The following MRPL44 variants were observed in gnomAD, a reference collection of about 807,000 sequenced individuals.
The protein encoded by MRPL44 is large ribosomal subunit protein mL44.
Under a neutral mutation model 25.9 loss-of-function variants are expected in MRPL44, and 21 were observed. The ratio of observed to expected loss-of-function variants is 0.81; its 90% CI spans 0.58 to 1.17. The LOEUF (loss-of-function observed/expected upper bound fraction) is 1.17. Among genes scored for constraint, MRPL44 ranks in the 50% most tolerant of loss-of-function variants. The pLI is 0.00. For synonymous variants in MRPL44, 169 were observed against 151.0 expected, an observed-to-expected ratio of 1.12 and a Z score of -0.87; for missense variants, 410 against 398.9, an observed-to-expected ratio of 1.03 and a Z score of -0.24.
At chr2:223,957,329 C>T, upstream of MRPL44, 1 of 1,024,534 alleles carries the variant, frequency 9.8e-7, no homozygotes, top group Non-Finnish European at 1.5e-6. Context: ...TCCGCCCCTG[C>T]CCTCTCTCAG....
intron 2 of MRPL44, among the ~76,000 whole-genome samples, chr2:223,962,643 C>T (rs1323261638): frequency 6.6e-6 from 1 of 152,066 alleles, no homozygotes; most frequent in African/African-American, 2.4e-5. Flanking sequence ...TAAATAATTA[C>T]TAGTATGCTA....
At chr2:223,957,730 G>T in intron 1 of MRPL44, 79 bp downstream of exon 1, 3 of 1,454,814 alleles carry the variant, frequency 2.1e-6, no homozygotes, top group Non-Finnish European at 2.8e-6. Context: ...CGTGTCTGCG[G>T]CTGATGCGCC....
intron 3 of MRPL44, among the ~76,000 whole-genome samples, chr2:223,965,140 ACGT>A (rs2106119615): frequency 6.6e-6 from 1 of 152,324 alleles, no homozygotes; most frequent in South Asian, 2.1e-4. Flanking sequence ...ACTTTTTAAA[ACGT>A]GATCAGTGAT....
At chr2:223,951,478 G>GTTTT in the MRPL44 span, among the ~76,000 whole-genome samples, 22 of 112,544 alleles carry the variant, frequency 2.0e-4, 1 homozygote, top group African/African-American at 7.1e-4. Context: ...TTACCTTGGA[G>GTTTT]TTTTTTTTTT....
Position 223,966,970 on chromosome 2 carries a change from GGCCGTGGAACTATTCCAA to G in MRPL44, c.939_956del (p.Trp314_Pro319del), listed in dbSNP as rs1559186542. ...CTTTATGGATTCACAGAAAATAGACGGCCGTGGAACTATTCCAAGCCCAAAGAAACCTTGAGAGCAGAA... is the reference window on the plus strand; with the variant it reads ...CTTTATGGATTCACAGAAAATAGACGGCCCAAAGAAACCTTGAGAGCAGAA... On this transcript the variant is annotated inframe_deletion, in exon 4 of 4. Coordinates refer to ENST00000258383, the MANE Select transcript of MRPL44 (RefSeq NM_022915.5). 1 of 1,614,016 alleles carries G rather than the reference GGCCGTGGAACTATTCCAA, an allele frequency of 6.2e-7. No homozygotes were observed. The highest frequency in any genetic ancestry group is 1.1e-5 in the South Asian group (1 of 91,066).
chr2:223,952,825 T>C (rs964977208), upstream of MRPL44, among the ~76,000 whole-genome samples: 6 of 152,238 alleles, frequency 3.9e-5, no homozygotes, highest in African/African-American at 1.4e-4. Flanking sequence ...TTACTGTCCA[T>C]AAATGTTATC....
rs148281067 is a variant in MRPL44, at chr2:223,957,519, T to G, written c.47T>G (p.Leu16Arg). ...VRLLQQGHRC[L>R]LAPVAPKLVP... ...TTGCTGCAGCAGGGACATCGCTGCC[T>G]CCTGGCTCCAGTCGCCCCCAAGCTG... Residue 16 changes from leucine to arginine, a missense_variant, in exon 1 of 4, where the codon CTC becomes CGC. By Grantham distance (102) the Leu-to-Arg change is moderately radical. Coordinates refer to ENST00000258383, the MANE Select transcript of MRPL44 (RefSeq NM_022915.5). 28 of 1,614,136 alleles carry G rather than the reference T, an allele frequency of 1.7e-5. No homozygotes were observed. The African/African-American group carries it at 2.8e-4, about 16-fold the overall frequency.
chr2:223,959,475 T>C (rs1014315629), intron 1 of MRPL44, 59 bp from the exon 2 acceptor site: 1 of 1,319,352 alleles, frequency 7.6e-7, no homozygotes, highest in African/African-American at 1.5e-5. Flanking sequence ...GTGAACAATT[T>C]TTATATCACA....
At chr2:223,966,214 C>A (rs1456026522) in intron 3 of MRPL44, among the ~76,000 whole-genome samples, 1 of 142,360 alleles carries the variant, frequency 7.0e-6, no homozygotes, top group African/African-American at 2.6e-5. Context: ...ACAGCCTGGG[C>A]GACAGAGTGA....
chr2:223,967,078 A>G lies in MRPL44; in HGVS notation c.*44A>G. ...CCTGAAACTTGAGAGCGAAAGTGAG[A>G]TAAATGTCAAAGGTGTTTCAAGCCA... On this transcript the variant is annotated 3_prime_UTR_variant, in exon 4 of 4. Transcript: ENST00000258383. 3.3e-6 allele frequency: 5 copies of G among 1,533,850 alleles called. No individual in the cohort carries two copies. Among genetic ancestry groups the G allele is most frequent in the Non-Finnish European group, 4.4e-6 (5 of 1,134,152 alleles).
chr2:223,962,643 C>G (rs1323261638), intron 2 of MRPL44, among the ~76,000 whole-genome samples: 1 of 152,068 alleles, frequency 6.6e-6, no homozygotes, highest in Non-Finnish European at 1.5e-5. Flanking sequence ...TAAATAATTA[C>G]TAGTATGCTA....
At position 223,959,624 on chromosome 2, in the gene MRPL44, T is replaced by G. The variant is rs1235492100; in HGVS notation, c.270T>G (p.Thr90=). The change falls in exon 2 of 4, where the codon ACT becomes ACG. Residue 90 remains threonine (T), a synonymous_variant. Coordinates refer to ENST00000258383, the MANE Select transcript of MRPL44 (RefSeq NM_022915.5). The part of the protein sequence containing the change: ...QENFSLDLLK[T]AFVNSCYIKS... ...ACTTTTCCTTAGATCTTCTCAAAAC[T>G]GCATTTGTTAATAGCTGCTATATTA... The G allele has an allele frequency of 6.2e-7, 1 of 1,614,222 alleles. No homozygotes were observed. The highest frequency in any genetic ancestry group is 1.1e-5 in the South Asian group (1 of 91,084).
At position 223,967,245 on chromosome 2, in the gene MRPL44, TCTC is replaced by T; in HGVS notation, c.*212_*214del. 3 of 525,784 alleles carry T rather than the reference TCTC, an allele frequency of 5.7e-6. No homozygotes were observed. The African/African-American group carries it at 5.8e-5, about 10-fold the overall frequency. 32.6% of individuals were successfully genotyped at this position (525,784 alleles called of 1,614,324 possible). ...TGGTTTGATCAAATCTTTTTTTTTT[TCTC>T]TTGAGATGGAGTCTTACTCTGTCGC... On this transcript the variant is annotated 3_prime_UTR_variant, in exon 4 of 4. Transcript: ENST00000258383.
chr2:223,951,572 T>C, the MRPL44 span, among the ~76,000 whole-genome samples: 1 of 148,354 alleles, frequency 6.7e-6, no homozygotes, highest in Non-Finnish European at 1.5e-5. Context: ...TCTGCCTCCC[T>C]GGTTCAAATG....
At position 223,967,538 on chromosome 2, in the gene MRPL44, A is replaced by G. The variant is rs1398264730; in HGVS notation, c.*504A>G. The stretch of plus-strand genomic sequence containing the variant: ...GTGAGCCACTATACCCGACCAGATC[A>G]AATCTTTTTTTGACATTTTTGCAAA... On this transcript the variant is annotated 3_prime_UTR_variant, in exon 4 of 4. Transcript: ENST00000258383. 6.6e-6 allele frequency: 1 copy of G among 152,216 alleles called. No homozygotes were observed. Among genetic ancestry groups the G allele is most frequent in the Non-Finnish European group, 1.5e-5 (1 of 68,062 alleles). The allele number at this position is 152,216 out of a possible 1,614,324, so 9.4% of individuals were successfully genotyped here.
chr2:223,952,443 CT>C, the MRPL44 span, among the ~76,000 whole-genome samples: 3 of 152,098 alleles, frequency 2.0e-5, no homozygotes, highest in Non-Finnish European at 2.9e-5. Flanking sequence ...TCTCTTAGGC[CT>C]TTCAGTTCTA....
chr2:223,954,872 A>G (rs1689542736), upstream of MRPL44, among the ~76,000 whole-genome samples: 1 of 152,226 alleles, frequency 6.6e-6, no homozygotes, highest in African/African-American at 2.4e-5. Context: ...GCTGGCCGCT[A>G]ACACACCAAA....
At chr2:223,956,572 C>G (rs867693340), upstream of MRPL44, among the ~76,000 whole-genome samples, 1 of 152,192 alleles carries the variant, frequency 6.6e-6, no homozygotes, top group Non-Finnish European at 1.5e-5. Flanking sequence ...GTGGAAACTG[C>G]ACCGAAGAGG....
chr2:223,957,279 A>T (rs1229145699), upstream of MRPL44: 1 of 635,346 alleles, frequency 1.6e-6, no homozygotes, highest in Admixed American at 2.8e-5. Context: ...GCGCAAGCGT[A>T]GCCTCAAGGC....
Sources: gnomAD v4.1 joint callset for allele counts (sites outside exome capture counted in the v4.1 genomes callset) on GRCh38, gnomAD v4.1.1 for gene constraint, MANE v1.5 for transcripts, NCBI Gene and HGNC (gene_info 2026-07-23, HGNC 2026-07-21) for gene names.